The following MLLT1 variants were observed in gnomAD, a reference collection of about 807,000 sequenced individuals.
MLLT1 encodes the protein protein ENL.
A neutral mutation model predicts 55.1 loss-of-function variants in MLLT1; 11 were observed. The observed-to-expected ratio is 0.20, with a 90% CI of 0.13 to 0.33. The LOEUF is 0.33. Among genes scored for constraint, MLLT1 ranks in the 10% least tolerant of loss-of-function variants. The pLI is 1.00. For synonymous variants in MLLT1, 323 were observed against 320.1 expected, an observed-to-expected ratio of 1.01 and a Z score of -0.10; for missense variants, 536 against 760.6, an observed-to-expected ratio of 0.70 and a Z score of 3.47.
intron 7 of MLLT1, 195 bp from the exon 8 acceptor site, chr19:6,216,708 A>C: frequency 1.9e-6 from 1 of 521,490 alleles, no homozygotes; most frequent in South Asian, 2.4e-5. Flanking sequence ...TTCCCCTAGA[A>C]CGCCCTGGCT....
chr19:6,266,244 C>T (rs561294319), intron 2 of MLLT1, among the ~76,000 whole-genome samples: 6 of 148,102 alleles, frequency 4.1e-5, no homozygotes, highest in Admixed American at 6.8e-5. Flanking sequence ...ACACTGCACT[C>T]CAGTCTGGGT....
In MLLT1 at chr19:6,240,136, G is replaced by C. The variant is rs2091101471; in HGVS notation, c.277-9423C>G. Among the ~76,000 whole-genome samples the C allele has an allele frequency of 6.6e-6, 1 of 152,166 alleles. No homozygotes were observed. The highest frequency in any genetic ancestry group is 2.1e-4 in the South Asian group (1 of 4,830). ...GAAAGGCCACCGGTGCCTCTGGCTG[G>C]GAGGACAGTGTGGGCAGCATTAGCC... On this transcript the variant is annotated intron_variant, in intron 3 of 11. Coordinates refer to ENST00000252674, the MANE Select transcript of MLLT1 (RefSeq NM_005934.4). The surrounding 1 kb of genome is among the most constrained non-coding windows in gnomAD (Gnocchi z 4.7).
In MLLT1 at chr19:6,211,003, G is replaced by A. The variant is rs1043435535; in HGVS notation, c.*2039C>T. ...GCCACCACCGAGAGCAGGCGGGGGA[G>A]CCCGACCCTCCTCTGGCTGAGTGGA... On this transcript the variant is annotated 3_prime_UTR_variant, in exon 12 of 12. Coordinates refer to ENST00000252674, the MANE Select transcript of MLLT1 (RefSeq NM_005934.4). The surrounding 1 kb of genome is among the most constrained non-coding windows in gnomAD (Gnocchi z 4.6). The A allele has an allele frequency of 1.3e-5, 3 of 231,698 alleles. No homozygotes were observed. Among genetic ancestry groups the A allele is most frequent in the Non-Finnish European group, 1.7e-5 (2 of 117,108 alleles). The allele number at this position is 231,698 out of a possible 1,614,324, so 14.4% of individuals were successfully genotyped here.
chr19:6,225,175 G>C (rs989332381), intron 5 of MLLT1, among the ~76,000 whole-genome samples: 4 of 152,240 alleles, frequency 2.6e-5, no homozygotes, highest in African/African-American at 9.6e-5. Flanking sequence ...ATGAGGCTGT[G>C]GTTCCTGCCT....
intron 6 of MLLT1, among the ~76,000 whole-genome samples, chr19:6,221,823 G>A (rs922703858): frequency 9.9e-5 from 15 of 152,242 alleles, no homozygotes; most frequent in Non-Finnish European, 1.9e-4. Flanking sequence ...GGGGGCTGCT[G>A]GAGGAGGGGA....
At chr19:6,214,135 C>A in intron 8 of MLLT1, 97 bp from the exon 9 acceptor site, 1 of 655,728 alleles carries the variant, frequency 1.5e-6, no homozygotes, top group Non-Finnish European at 2.3e-6. Context: ...GAGTCGGTGC[C>A]TGAGCCCACA....
intron 3 of MLLT1, among the ~76,000 whole-genome samples, chr19:6,238,924 G>A (rs934029962): frequency 6.6e-6 from 1 of 152,258 alleles, no homozygotes; most frequent in Non-Finnish European, 1.5e-5. Flanking sequence ...GCCCTGTGGG[G>A]CTGGGTGTGG....
intron 3 of MLLT1, among the ~76,000 whole-genome samples, chr19:6,242,492 T>G (rs1254803364): frequency 6.6e-6 from 1 of 152,184 alleles, no homozygotes; most frequent in African/African-American, 2.4e-5. Context: ...AATGACAGCT[T>G]GTTGCAGGGG....
At position 6,216,859 on chromosome 19, in the gene MLLT1, G is replaced by A. The variant is rs943336721; in HGVS notation, c.1199-346C>T. 5.5e-5 allele frequency: 14 copies of A among 256,468 alleles called. No individual in the cohort carries two copies. In the East Asian group the frequency reaches 1.2e-3, roughly 21 times the overall value. 15.9% of individuals were successfully genotyped at this position (256,468 alleles called of 1,614,324 possible). ...GGGCACAGAGATCAGAAGCTCTGCCGAGAGCCCAGGGAGGGCGAGGGAGCC... is the reference window on the plus strand; with the variant it reads ...GGGCACAGAGATCAGAAGCTCTGCCAAGAGCCCAGGGAGGGCGAGGGAGCC... On this transcript the variant is annotated intron_variant, in intron 7 of 11. Transcript: ENST00000252674.
In MLLT1 at chr19:6,243,150, G is replaced by T. The variant is rs560212323; in HGVS notation, c.277-12437C>A. ...AAAGTCTGCTGGGAACGTAAAGCGG[G>T]AACGTGGCGGGGTCACCAAGCGGTA... On this transcript the variant is annotated intron_variant, in intron 3 of 11. Transcript: ENST00000252674. Among the ~76,000 whole-genome samples the T allele has an allele frequency of 5.3e-5, 8 of 152,346 alleles. No individual in the cohort carries two copies. In the South Asian group the frequency reaches 6.2e-4, roughly 12 times the overall value.
chr19:6,216,339 C>T, intron 8 of MLLT1, 66 bp downstream of exon 8: 1 of 1,203,414 alleles, frequency 8.3e-7, no homozygotes, highest in Non-Finnish European at 1.2e-6. Context: ...CCCACAATCA[C>T]TGCAGACCCA....
At position 6,222,089 on chromosome 19, in the gene MLLT1, A is replaced by T. The variant is rs1386872806; in HGVS notation, c.1110+32T>A. 3 of 1,456,594 alleles carry T rather than the reference A, an allele frequency of 2.1e-6. No homozygotes were observed. The highest frequency in any genetic ancestry group is 2.7e-6 in the Non-Finnish European group (3 of 1,099,954). The allele number at this position is 1,456,594 out of a possible 1,614,324, so 90.2% of individuals were successfully genotyped here. A position where few individuals can be genotyped will look rare whatever the true frequency, so the allele number is the denominator to read the frequency against. ...AGGCGGGTCCCACCACACTGCCTGC[A>T]CCTGGCTGCCCTGCCCCCAGCACTC... is the stretch of plus-strand genomic sequence containing the variant. On this transcript the variant is annotated intron_variant, in intron 6 of 11. Transcript: ENST00000252674. The surrounding 1 kb of genome is among the most constrained non-coding windows in gnomAD (Gnocchi z 4.1).
At chr19:6,276,125 G>C (rs1249299466) in intron 1 of MLLT1, among the ~76,000 whole-genome samples, 1 of 152,196 alleles carries the variant, frequency 6.6e-6, no homozygotes, top group Non-Finnish European at 1.5e-5. Flanking sequence ...CGGGCATAAA[G>C]GGAAATGGGA....
In MLLT1 at chr19:6,259,503, C is replaced by G. The variant is rs191325343; in HGVS notation, c.276+2725G>C. On this transcript the variant is annotated intron_variant, in intron 3 of 11. Transcript: ENST00000252674. Reference sequence around the variant, plus strand: ...GAGGCTTGACCAAGTGACTCGGGATCCAGGATCTCCTCCACCTGTGGACAG... The same window carrying G: ...GAGGCTTGACCAAGTGACTCGGGATGCAGGATCTCCTCCACCTGTGGACAG... 3 of 152,348 alleles carry G rather than the reference C, an allele frequency of 2.0e-5. No individual in the cohort carries two copies. The East Asian group carries it at 5.8e-4, about 29-fold the overall frequency. The allele number at this position is 152,348 out of a possible 1,614,324, so 9.4% of individuals were successfully genotyped here.
intron 8 of MLLT1, among the ~76,000 whole-genome samples, chr19:6,216,008 T>C (rs1568274376): frequency 6.6e-6 from 1 of 152,044 alleles, no homozygotes; most frequent in African/African-American, 2.4e-5. Context: ...CCTCGCCCCA[T>C]GTAAGGCAGG....
intron 3 of MLLT1, among the ~76,000 whole-genome samples, chr19:6,241,908 C>T (rs907817746): frequency 2.0e-5 from 3 of 152,176 alleles, no homozygotes; most frequent in Non-Finnish European, 4.4e-5. Context: ...GCCTCCCCCT[C>T]GGCCACATCA....
chr19:6,246,151 C>A (rs986555777), intron 3 of MLLT1, among the ~76,000 whole-genome samples: 1 of 150,118 alleles, frequency 6.7e-6, no homozygotes, highest in African/African-American at 2.4e-5. Flanking sequence ...CAAGGGCTGG[C>A]GAAGATTTGG....
At chr19:6,214,820 G>A (rs947988010) in intron 8 of MLLT1, among the ~76,000 whole-genome samples, 8 of 152,224 alleles carry the variant, frequency 5.3e-5, no homozygotes, top group African/African-American at 1.9e-4. Flanking sequence ...TGAACAAGGA[G>A]GTGCCAGAAG....
chr19:6,222,995 T>G lies in MLLT1; in HGVS notation c.547-311A>C, dbSNP rs1163950552. 1.3e-5 allele frequency among the ~76,000 whole-genome samples: 2 copies of G among 152,134 alleles called. No individual in the cohort carries two copies. Among genetic ancestry groups the G allele is most frequent in the African/African-American group, 4.8e-5 (2 of 41,412 alleles). On this transcript the variant is annotated intron_variant, in intron 5 of 11. Coordinates refer to ENST00000252674, the MANE Select transcript of MLLT1 (RefSeq NM_005934.4). This position sits in a 1 kb window ranked among gnomAD's most constrained non-coding sequence, Gnocchi z 4.1. ...GGTGAGTCAGGCAGAGCATGGCCACTTCGCCCGCACCCGCCCGCCCTAACA... is the reference window on the plus strand; with the variant it reads ...GGTGAGTCAGGCAGAGCATGGCCACGTCGCCCGCACCCGCCCGCCCTAACA...
Sources: gnomAD v4.1 joint callset for allele counts (sites outside exome capture counted in the v4.1 genomes callset) on GRCh38, gnomAD v4.1.1 for gene constraint, Gnocchi (gnomAD v3.1) non-coding constraint, MANE v1.5 for transcripts, NCBI Gene and HGNC (gene_info 2026-07-23, HGNC 2026-07-21) for gene names.